GSAP: variants seen among roughly 807,000 people sequenced by gnomAD.
GSAP encodes the protein gamma-secretase-activating protein.
Under a neutral mutation model 131.7 loss-of-function variants are expected in GSAP, and 118 were observed. That is an observed-to-expected ratio of 0.90 (90% CI 0.77 to 1.04). The LOEUF (loss-of-function observed/expected upper bound fraction) is 1.04. GSAP is among the 50% of genes least tolerant of loss of function. GSAP has a pLI of 0.00. For synonymous variants in GSAP, 381 were observed against 363.4 expected (o/e 1.05, Z -0.55); for missense variants, 1,019 against 1,013.2 (o/e 1.01, Z -0.08).
rs1799007505 is a variant in GSAP, at chr7:77,389,111, A to C, written c.368-1663T>G. ...AAAATAGAATAGAAATGCTCTGTTG[A>C]GAGGTGAGTATGTGGGGGGGAAAAT... On this transcript the variant is annotated intron_variant, in intron 5 of 30. Transcript: ENST00000257626. 2.0e-5 allele frequency among the ~76,000 whole-genome samples: 3 copies of C among 152,138 alleles called. No individual in the cohort carries two copies. The South Asian group carries it at 6.2e-4, about 32-fold the overall frequency.
At chr7:77,377,851 T>C (rs1797188976) in intron 8 of GSAP, among the ~76,000 whole-genome samples, 1 of 152,190 alleles carries the variant, frequency 6.6e-6, no homozygotes, top group Non-Finnish European at 1.5e-5. Flanking sequence ...AATTTGGCCA[T>C]AAACCAACCA....
chr7:77,375,922 C>T (rs1796784585), intron 10 of GSAP, among the ~76,000 whole-genome samples: 1 of 151,304 alleles, frequency 6.6e-6, no homozygotes, highest in East Asian at 1.9e-4. Context: ...CACCACAATT[C>T]TAATTTTTTT....
In GSAP at chr7:77,341,719, C is replaced by T. The variant is rs192298211; in HGVS notation, c.1545+7632G>A. Among the ~76,000 whole-genome samples the T allele has an allele frequency of 5.6e-4, 86 of 152,308 alleles. 1 individual carries two copies. Among genetic ancestry groups the T allele is most frequent in the Admixed American group, 3.5e-3 (54 of 15,302 alleles). On this transcript the variant is annotated intron_variant, in intron 19 of 30. Coordinates refer to ENST00000257626, the MANE Select transcript of GSAP (RefSeq NM_017439.4). The stretch of plus-strand genomic sequence containing the variant: ...TGCATTTTATTACCCAATCCACTCC[C>T]GACATTAAATAAAGCTCCAAAAATT...
chr7:77,376,663 G>A (rs530332155), intron 10 of GSAP, among the ~76,000 whole-genome samples, 185 bp downstream of exon 10: 1 of 151,466 alleles, frequency 6.6e-6, no homozygotes, highest in Non-Finnish European at 1.5e-5. Flanking sequence ...TGTAGTCCTA[G>A]CTACTCAGGA....
intron 19 of GSAP, among the ~76,000 whole-genome samples, chr7:77,345,490 T>C (rs1309228882): frequency 6.6e-6 from 1 of 152,230 alleles, no homozygotes; most frequent in Admixed American, 6.5e-5. Flanking sequence ...TCATATCCCC[T>C]GTGACCTGCA....
intron 1 of GSAP, among the ~76,000 whole-genome samples, chr7:77,412,217 A>C (rs1302778368): frequency 2.0e-5 from 3 of 152,328 alleles, no homozygotes; most frequent in Middle Eastern, 3.4e-3. Flanking sequence ...AAATGAACTC[A>C]GAAAAGGAGA....
intron 22 of GSAP, chr7:77,328,313 TGGGCACAGCCAGA>T: frequency 8.6e-7 from 1 of 1,161,286 alleles, no homozygotes; most frequent in Non-Finnish European, 1.1e-6. Flanking sequence ...ATGCATCCTG[TGGGCACAGCCAGA>T]GGGCAGCTCT....
intron 7 of GSAP, 46 bp downstream of exon 7, chr7:77,382,528 T>C: frequency 4.1e-6 from 4 of 965,690 alleles, no homozygotes; most frequent in South Asian, 2.6e-5. Context: ...TAGGAGACGA[T>C]ATGCCATTCA....
Position 77,311,215 on chromosome 7 carries a change from C to G in GSAP, c.*143G>C, listed in dbSNP as rs565768634. 1 of 623,534 alleles carries G rather than the reference C, an allele frequency of 1.6e-6. No homozygotes were observed. Among genetic ancestry groups the G allele is most frequent in the South Asian group, 1.9e-5 (1 of 52,672 alleles). The allele number at this position is 623,534 out of a possible 1,614,324, so 38.6% of individuals were successfully genotyped here. ...TACAGCAGTTCTGTCTGAACGTGTA[C>G]CAACCTGAAACTCACATGGCTAAAC... On this transcript the variant is annotated 3_prime_UTR_variant, in exon 31 of 31. Coordinates refer to ENST00000257626, the MANE Select transcript of GSAP (RefSeq NM_017439.4).
intron 14 of GSAP, among the ~76,000 whole-genome samples, chr7:77,359,126 C>G (rs10953210): frequency 0.32 from 49,244 of 151,790 alleles, 9,306 homozygotes; most frequent in African/African-American, 0.52. Context: ...CCTTGAACCC[C>G]GGAGGCGGAA....
chr7:77,386,547 C>T lies in GSAP; in HGVS notation c.456+813G>A, dbSNP rs553059176. On this transcript the variant is annotated intron_variant, in intron 6 of 30. Coordinates refer to ENST00000257626, the MANE Select transcript of GSAP (RefSeq NM_017439.4). ...TTAAAGACACTCCTTAACCTCATGGCCAACAGCATAGTAACTCATGCCTGA... is the reference window on the plus strand; with the variant it reads ...TTAAAGACACTCCTTAACCTCATGGTCAACAGCATAGTAACTCATGCCTGA... Among the ~76,000 whole-genome samples, 72 of 152,290 alleles carry T rather than the reference C, an allele frequency of 4.7e-4. 1 individual carries two copies. The Middle Eastern group carries it at 0.017, about 36-fold the overall frequency.
chr7:77,383,960 T>C (rs913334398), intron 6 of GSAP, among the ~76,000 whole-genome samples: 2 of 152,212 alleles, frequency 1.3e-5, no homozygotes, highest in Admixed American at 1.3e-4. Context: ...CTTTTAGAAA[T>C]GAAAAGCAAA....
In GSAP at chr7:77,404,563, T is replaced by C; in HGVS notation, c.239A>G (p.Asn80Ser). The C allele has an allele frequency of 6.5e-7, 1 of 1,541,938 alleles. No individual in the cohort carries two copies. Among genetic ancestry groups the C allele is most frequent in the South Asian group, 1.1e-5 (1 of 88,928 alleles). Residue 80 changes from asparagine to serine, a missense_variant, in exon 3 of 31, where the codon AAT becomes AGT. Transcript: ENST00000257626. ...TGAGTAATCTATGATTTTTACCTCATTTTGTCTGGTTTGACAATCATATAA... is the reference window on the plus strand; with the variant it reads ...TGAGTAATCTATGATTTTTACCTCACTTTGTCTGGTTTGACAATCATATAA... The part of the protein sequence containing the change: ...FGLYDCQTRQ[N>S]ELLYTFEKDL...
chr7:77,401,665 G>T (rs927154562), intron 3 of GSAP, among the ~76,000 whole-genome samples: 17 of 152,184 alleles, frequency 1.1e-4, no homozygotes, highest in African/African-American at 3.6e-4. Flanking sequence ...ACCATGGAAA[G>T]AGCAAATATA....
chr7:77,339,278 G>A (rs11505827), intron 19 of GSAP, among the ~76,000 whole-genome samples: 94,011 of 151,880 alleles, frequency 0.62, 30,133 homozygotes, highest in African/African-American at 0.77. Flanking sequence ...GGTATTACGC[G>A]AGCAGAGATG....
intron 12 of GSAP, among the ~76,000 whole-genome samples, chr7:77,367,067 T>C (rs544813242): frequency 5.3e-5 from 8 of 152,368 alleles, no homozygotes; most frequent in Admixed American, 2.6e-4. Flanking sequence ...TTTCTGTACA[T>C]TGATTTTGTA....
chr7:77,396,554 A>G (rs960493420), intron 5 of GSAP, among the ~76,000 whole-genome samples: 1 of 152,218 alleles, frequency 6.6e-6, no homozygotes, highest in Non-Finnish European at 1.5e-5. Context: ...CATAGCTACA[A>G]AACTATAAAG....
At chr7:77,329,587 G>A (rs1584285506) in intron 20 of GSAP, 196 bp from the exon 21 acceptor site, 1 of 369,740 alleles carries the variant, frequency 2.7e-6, no homozygotes, top group East Asian at 4.6e-5. Flanking sequence ...ACAGGAAACT[G>A]CGAGTCAACT....
At chr7:77,396,347 C>T (rs1417752821) in intron 5 of GSAP, among the ~76,000 whole-genome samples, 2 of 152,142 alleles carry the variant, frequency 1.3e-5, no homozygotes, top group South Asian at 2.1e-4. Context: ...CCAATGTATG[C>T]ATTTGCAATT....
Sources: allele counts gnomAD v4.1 joint callset (sites outside exome capture counted in the v4.1 genomes callset), GRCh38; gene constraint gnomAD v4.1.1; transcripts MANE v1.5; gene names NCBI Gene and HGNC (gene_info 2026-07-23, HGNC 2026-07-21).